STK3: variants seen among roughly 807,000 people sequenced by gnomAD.
STK3 encodes serine/threonine-protein kinase 3.
Under a neutral mutation model 58.0 loss-of-function variants are expected in STK3, and 41 were observed. The ratio of observed to expected loss-of-function variants is 0.71; its 90% CI spans 0.55 to 0.92. The LOEUF (loss-of-function observed/expected upper bound fraction) is 0.92, where lower values mean the gene tolerates loss of function less well. STK3 is among the 40% of genes least tolerant of loss of function. The probability of loss-of-function intolerance (pLI) is 0.00; values close to 1 mark genes in which losing one functional copy is unlikely to be tolerated. For missense variants in STK3, 479 were observed against 602.7 expected (o/e 0.79, Z 2.15); for synonymous variants, 170 against 191.0 (o/e 0.89, Z 0.91).
At chr8:98,659,920 A>C (rs1417734226) in intron 6 of STK3, among the ~76,000 whole-genome samples, 1 of 151,964 alleles carries the variant, frequency 6.6e-6, no homozygotes, top group East Asian at 1.9e-4. Context: ...CCAAAGAACA[A>C]ACCAGGCAAA....
intron 3 of STK3, among the ~76,000 whole-genome samples, chr8:98,843,874 G>A (rs940630036): frequency 5.9e-5 from 9 of 152,154 alleles, no homozygotes; most frequent in East Asian, 3.8e-4. Flanking sequence ...AAAATTTGCC[G>A]GGCGTGATGG....
chr8:98,396,441 A>G (rs1586547343), downstream of STK3, among the ~76,000 whole-genome samples: 1 of 152,196 alleles, frequency 6.6e-6, no homozygotes, highest in Admixed American at 6.5e-5. Flanking sequence ...GGTTGTTGGC[A>G]TCTGGACTCA....
At chr8:98,845,711 T>A (rs1406169097) in intron 3 of STK3, among the ~76,000 whole-genome samples, 3 of 152,218 alleles carry the variant, frequency 2.0e-5, no homozygotes, top group Admixed American at 2.0e-4. Context: ...AAAATCAACT[T>A]CAAATTGATC....
chr8:98,908,631 A>C (rs1308779967), intron 1 of STK3, among the ~76,000 whole-genome samples: 8 of 152,022 alleles, frequency 5.3e-5, no homozygotes, highest in African/African-American at 1.5e-4. Flanking sequence ...GGATCACCTG[A>C]GGTCAGTTCA....
chr8:98,553,701 C>T (rs190449820), intron 8 of STK3, among the ~76,000 whole-genome samples: 12 of 152,254 alleles, frequency 7.9e-5, no homozygotes, highest in East Asian at 5.8e-4. Context: ...TGGGGGCTCA[C>T]GCCTTTAATC....
chr8:98,462,805 T>C (rs1015791213), intron 10 of STK3: 3 of 152,214 alleles, frequency 2.0e-5, no homozygotes, highest in Non-Finnish European at 4.4e-5. Context: ...TTGAATTCTT[T>C]ATAAAAAGAT....
At position 98,860,638 on chromosome 8, in the gene STK3, T is replaced by A. The variant is rs569982560; in HGVS notation, c.110+23009A>T. On this transcript the variant is annotated intron_variant, in intron 3 of 12. Coordinates refer to the STK3 transcript ENST00000523601. ...ATTTACAAAGGAGATCAATTTTTTTTAAATGTGAAACAGGAGTGAAAGATC... is the reference window on the plus strand; with the variant it reads ...ATTTACAAAGGAGATCAATTTTTTTAAAATGTGAAACAGGAGTGAAAGATC... Among the ~76,000 whole-genome samples the A allele has an allele frequency of 2.1e-4, 32 of 152,268 alleles. No individual in the cohort carries two copies. In the South Asian group the frequency reaches 2.3e-3, roughly 11 times the overall value.
downstream of STK3, chr8:98,880,688 A>G (rs1038812528): frequency 1.3e-5 from 2 of 152,236 alleles, no homozygotes; most frequent in Non-Finnish European, 2.9e-5. Context: ...CACTTCACCA[A>G]AAAAGATATA....
intron 10 of STK3, among the ~76,000 whole-genome samples, chr8:98,486,119 A>G (rs1244031995): frequency 6.6e-6 from 1 of 152,098 alleles, no homozygotes; most frequent in Non-Finnish European, 1.5e-5. Context: ...TCCTCCAACT[A>G]TTTGCCTTTT....
chr8:98,545,218 G>C (rs1250642940), intron 9 of STK3, among the ~76,000 whole-genome samples: 2 of 152,206 alleles, frequency 1.3e-5, no homozygotes, highest in African/African-American at 4.8e-5. Flanking sequence ...AACTGGCACA[G>C]ACTAGTATGG....
chr8:98,658,167 A>G (rs1296403022), intron 6 of STK3, among the ~76,000 whole-genome samples: 2 of 152,096 alleles, frequency 1.3e-5, no homozygotes, highest in Non-Finnish European at 2.9e-5. Context: ...ATCCAAGAAA[A>G]TCAATTGTCT....
chr8:98,707,446 A>G, intron 4 of STK3, 135 bp from the exon 5 acceptor site: 1 of 666,242 alleles, frequency 1.5e-6, no homozygotes, highest in Non-Finnish European at 2.4e-6. Flanking sequence ...TCTGTTGCCC[A>G]GGCTACAGTG....
At chr8:98,581,556 G>T (rs1813886190) in intron 7 of STK3, among the ~76,000 whole-genome samples, 1 of 151,774 alleles carries the variant, frequency 6.6e-6, no homozygotes, top group African/African-American at 2.4e-5. Flanking sequence ...TGGTGACCGG[G>T]GTAGGCCATA....
chr8:98,842,693 C>T (rs1836042320), intron 3 of STK3, among the ~76,000 whole-genome samples: 1 of 151,896 alleles, frequency 6.6e-6, no homozygotes, highest in Non-Finnish European at 1.5e-5. Context: ...CAAAACAAAA[C>T]AATGGAAATT....
chr8:98,919,554 G>GT (rs1335362016), intron 1 of STK3, among the ~76,000 whole-genome samples: 5 of 152,196 alleles, frequency 3.3e-5, no homozygotes, highest in Non-Finnish European at 5.9e-5. Flanking sequence ...GTGATAGGGA[G>GT]TAAGTTACAT....
chr8:98,408,465 G>A (rs1284423518), intron 3 of STK3, among the ~76,000 whole-genome samples: 2 of 152,134 alleles, frequency 1.3e-5, no homozygotes, highest in South Asian at 2.1e-4. Flanking sequence ...ACATTGCCAC[G>A]GCCATGAGAA....
intron 8 of STK3, among the ~76,000 whole-genome samples, chr8:98,571,228 G>A (rs374064268): frequency 1.7e-3 from 252 of 152,264 alleles, no homozygotes; most frequent in African/African-American, 5.8e-3. Context: ...TACCTGGGAG[G>A]CTGAGGCAGG....
chr8:98,846,670 A>G (rs1348579880), intron 3 of STK3, among the ~76,000 whole-genome samples: 2 of 152,194 alleles, frequency 1.3e-5, no homozygotes, highest in Admixed American at 1.3e-4. Context: ...CCAAAGCCCT[A>G]TAAATTCCAC....
chr8:98,723,129 A>G (rs1827557431), intron 4 of STK3, among the ~76,000 whole-genome samples: 2 of 152,166 alleles, frequency 1.3e-5, no homozygotes. Context: ...TGTCATTTTT[A>G]AATCCTCTGA....
Sources: gnomAD v4.1 joint callset for allele counts (sites outside exome capture counted in the v4.1 genomes callset) on GRCh38, gnomAD v4.1.1 for gene constraint, MANE v1.5 for transcripts, NCBI Gene and HGNC (gene_info 2026-07-23, HGNC 2026-07-21) for gene names.